Variants in LRP6 observed in about 807,000 individuals in gnomAD.
The protein encoded by LRP6 is LDL receptor related protein 6.
LRP6 carries 43 observed loss-of-function variants against 184.1 expected under a neutral mutation model. That is an observed-to-expected ratio of 0.23 (90% CI 0.18 to 0.30). LRP6 has a LOEUF of 0.30. Among genes scored for constraint, LRP6 ranks in the 10% least tolerant of loss-of-function variants. The pLI, the probability that LRP6 is intolerant of heterozygous loss-of-function variation, is 1.00. For missense variants in LRP6, 1,571 were observed against 2,005.3 expected, an observed-to-expected ratio of 0.78 and a Z score of 4.14; for synonymous variants, 719 against 684.9, an observed-to-expected ratio of 1.05 and a Z score of -0.78.
At chr12:12,247,363 T>C (rs1243200575) in intron 1 of LRP6, among the ~76,000 whole-genome samples, 1 of 152,216 alleles carries the variant, frequency 6.6e-6, no homozygotes, top group African/African-American at 2.4e-5. Context: ...ATGTCTTTCA[T>C]TGCTTTCAAG....
intron 12 of LRP6, among the ~76,000 whole-genome samples, chr12:12,152,908 C>T (rs192926495): frequency 1.3e-5 from 2 of 152,278 alleles, no homozygotes; most frequent in African/African-American, 4.8e-5. Flanking sequence ...TTGTTATCTA[C>T]AAAACTGCAA....
chr12:12,236,506 C>G (rs573553651), intron 2 of LRP6, among the ~76,000 whole-genome samples: 14 of 152,340 alleles, frequency 9.2e-5, no homozygotes, highest in African/African-American at 3.1e-4. Flanking sequence ...CCACACCAAG[C>G]AATTCTACAA....
chr12:12,143,800 G>A (rs537873061), intron 15 of LRP6, among the ~76,000 whole-genome samples: 1 of 152,280 alleles, frequency 6.6e-6, no homozygotes, highest in East Asian at 1.9e-4. Flanking sequence ...GTATCTTTTT[G>A]TACCTTTGCA....
intron 7 of LRP6, among the ~76,000 whole-genome samples, chr12:12,168,894 T>A (rs1011897970): frequency 6.6e-6 from 1 of 152,070 alleles, no homozygotes; most frequent in African/African-American, 2.4e-5. Context: ...CTACTTGGGT[T>A]CAGGGCAGCA....
intron 1 of LRP6, among the ~76,000 whole-genome samples, chr12:12,264,138 C>G (rs1461542035): frequency 6.6e-6 from 1 of 151,084 alleles, no homozygotes; most frequent in Non-Finnish European, 1.5e-5. Context: ...AAGACTTTGT[C>G]TCTTTAAAAA....
intron 7 of LRP6, among the ~76,000 whole-genome samples, chr12:12,171,122 C>G (rs1231067366): frequency 1.3e-5 from 2 of 152,192 alleles, no homozygotes; most frequent in Non-Finnish European, 2.9e-5. Context: ...TTTCTATACT[C>G]TGACATTTTC....
intron 22 of LRP6, among the ~76,000 whole-genome samples, chr12:12,122,840 T>C (rs1483558988): frequency 6.7e-6 from 1 of 150,320 alleles, no homozygotes; most frequent in Non-Finnish European, 1.5e-5. Context: ...TCAAAAAAAA[T>C]AAAAATAAAA....
chr12:12,211,303 G>A (rs574681496), intron 2 of LRP6, among the ~76,000 whole-genome samples: 3 of 152,148 alleles, frequency 2.0e-5, no homozygotes, highest in Non-Finnish European at 2.9e-5. Context: ...TTAGTTAGGC[G>A]TGGTGGTGGG....
intron 2 of LRP6, among the ~76,000 whole-genome samples, chr12:12,224,588 T>C (rs1254359324): frequency 6.6e-6 from 1 of 152,230 alleles, no homozygotes; most frequent in Non-Finnish European, 1.5e-5. Flanking sequence ...CTAACACTTA[T>C]GTGTCTATCA....
chr12:12,138,607 C>T (rs1949880921), intron 15 of LRP6, 73 bp from the exon 16 acceptor site: 1 of 1,380,168 alleles, frequency 7.2e-7, no homozygotes, highest in Non-Finnish European at 1.0e-6. Flanking sequence ...TATTTACTGA[C>T]TACCAGTTAG....
chr12:12,218,206 T>A (rs1864396885), intron 2 of LRP6, among the ~76,000 whole-genome samples: 1 of 152,072 alleles, frequency 6.6e-6, no homozygotes, highest in Non-Finnish European at 1.5e-5. Context: ...GGCATAGTGG[T>A]TCATACCTAT....
intron 1 of LRP6, among the ~76,000 whole-genome samples, chr12:12,258,383 T>G (rs767825376): frequency 1.3e-5 from 2 of 152,222 alleles, no homozygotes; most frequent in Non-Finnish European, 2.9e-5. Flanking sequence ...ATTACAGGTG[T>G]GAGCCACCAT....
intron 1 of LRP6, among the ~76,000 whole-genome samples, chr12:12,265,097 A>G (rs1242384734): frequency 6.6e-6 from 1 of 152,228 alleles, no homozygotes; most frequent in Non-Finnish European, 1.5e-5. Flanking sequence ...GCTGGTTCTC[A>G]TATTTGTCAG....
intron 1 of LRP6, among the ~76,000 whole-genome samples, chr12:12,249,735 A>G (rs981736561): frequency 4.9e-5 from 7 of 144,178 alleles, no homozygotes; most frequent in African/African-American, 1.7e-4. Flanking sequence ...AAGGAAGGAA[A>G]TAAATTAATT....
intron 1 of LRP6, among the ~76,000 whole-genome samples, chr12:12,257,979 A>C (rs1414183001): frequency 6.6e-6 from 1 of 151,676 alleles, no homozygotes; most frequent in African/African-American, 2.4e-5. Context: ...AAAAAAAAAA[A>C]AAAAACTAAT....
At chr12:12,208,089 T>C (rs1373693020) in intron 2 of LRP6, among the ~76,000 whole-genome samples, 1 of 152,228 alleles carries the variant, frequency 6.6e-6, no homozygotes, top group Non-Finnish European at 1.5e-5. Flanking sequence ...TGGAATACTA[T>C]TCAGCAACAT....
chr12:12,129,295 C>T (rs1370071871), intron 19 of LRP6, among the ~76,000 whole-genome samples: 1 of 152,120 alleles, frequency 6.6e-6, no homozygotes, highest in Non-Finnish European at 1.5e-5. Flanking sequence ...TTTTCAGTGA[C>T]TCTCCACTCC....
At chr12:12,248,058 C>T (rs1865231265) in intron 1 of LRP6, among the ~76,000 whole-genome samples, 2 of 152,168 alleles carry the variant, frequency 1.3e-5, no homozygotes, top group Non-Finnish European at 1.5e-5. Flanking sequence ...ACATCCCCAA[C>T]ATCTTAATTT....
chr12:12,137,540 T>A (rs1462856164), intron 16 of LRP6, among the ~76,000 whole-genome samples: 1 of 151,892 alleles, frequency 6.6e-6, no homozygotes, highest in Non-Finnish European at 1.5e-5. Context: ...TTAAACAGAG[T>A]CTTCTCTATG....
Sources: gnomAD v4.1 joint callset for allele counts (sites outside exome capture counted in the v4.1 genomes callset) on GRCh38, gnomAD v4.1.1 for gene constraint, MANE v1.5 for transcripts, NCBI Gene and HGNC (gene_info 2026-07-23, HGNC 2026-07-21) for gene names.